CNTN5: variants seen among roughly 807,000 people sequenced by gnomAD.
CNTN5 encodes contactin 5.
CNTN5 carries 77 observed loss-of-function variants against 129.1 expected under a neutral mutation model. The observed-to-expected ratio is 0.60, with a 90% CI of 0.50 to 0.72. The LOEUF (loss-of-function observed/expected upper bound fraction) is 0.72, where lower values mean the gene tolerates loss of function less well. Among genes scored for constraint, CNTN5 ranks in the 30% least tolerant of loss-of-function variants. The pLI, the probability that CNTN5 is intolerant of heterozygous loss-of-function variation, is 0.00. For synonymous variants in CNTN5, 509 were observed against 465.6 expected (o/e 1.09, Z -1.20); for missense variants, 1,478 against 1,328.8 (o/e 1.11, Z -1.75).
At chr11:100,201,619 C>G (rs184966911) in intron 15 of CNTN5, among the ~76,000 whole-genome samples, 118 of 151,230 alleles carry the variant, frequency 7.8e-4, no homozygotes, top group Middle Eastern at 3.4e-3. Flanking sequence ...TCTCTACCTC[C>G]CTCCTGTTTT....
chr11:99,203,971 A>G (rs1859348223), intron 1 of CNTN5, among the ~76,000 whole-genome samples: 1 of 152,206 alleles, frequency 6.6e-6, no homozygotes, highest in African/African-American at 2.4e-5. Flanking sequence ...TAAACTTATA[A>G]AATTTCTCAT....
intron 9 of CNTN5, among the ~76,000 whole-genome samples, chr11:100,002,784 A>G (rs1175550468): frequency 6.6e-6 from 1 of 152,142 alleles, no homozygotes; most frequent in Admixed American, 6.6e-5. Flanking sequence ...GATCAGAGGC[A>G]GAAGTGGAAT....
intron 2 of CNTN5, among the ~76,000 whole-genome samples, chr11:99,466,266 A>C (rs1944939109): frequency 6.6e-6 from 1 of 152,124 alleles, no homozygotes; most frequent in Admixed American, 6.5e-5. Context: ...CTCATGACCC[A>C]ATCAATCACC....
At chr11:99,643,564 T>A (rs1476558751) in intron 3 of CNTN5, among the ~76,000 whole-genome samples, 1 of 152,128 alleles carries the variant, frequency 6.6e-6, no homozygotes, top group East Asian at 1.9e-4. Flanking sequence ...TTTAGAACAA[T>A]AAATTGCAAT....
intron 8 of CNTN5, among the ~76,000 whole-genome samples, chr11:99,987,730 G>A (rs941754537): frequency 2.0e-5 from 3 of 151,988 alleles, no homozygotes; most frequent in Non-Finnish European, 4.4e-5. Context: ...AATGTTTCCT[G>A]GGGAGCAGAA....
intron 13 of CNTN5, among the ~76,000 whole-genome samples, chr11:100,171,274 A>G (rs894412918): frequency 7.2e-5 from 11 of 152,056 alleles, no homozygotes; most frequent in African/African-American, 2.7e-4. Flanking sequence ...AAATATTTAT[A>G]ATCTTGCCCC....
chr11:99,144,956 G>A (rs1226332168), intron 1 of CNTN5, among the ~76,000 whole-genome samples: 2 of 151,778 alleles, frequency 1.3e-5, no homozygotes, highest in East Asian at 1.9e-4. Flanking sequence ...TTCCTTCAGA[G>A]GTGTCATGTT....
At chr11:100,037,452 G>A (rs563296758) in intron 9 of CNTN5, among the ~76,000 whole-genome samples, 28 of 152,074 alleles carry the variant, frequency 1.8e-4, no homozygotes, top group Middle Eastern at 3.4e-3. Flanking sequence ...GTCTCTGCCC[G>A]GGTTTGGTAT....
At chr11:99,625,239 T>C (rs1029023620) in intron 3 of CNTN5, among the ~76,000 whole-genome samples, 9 of 152,200 alleles carry the variant, frequency 5.9e-5, no homozygotes, top group Non-Finnish European at 1.2e-4. Context: ...TTCTACTGAA[T>C]GATGAGAATT....
intron 3 of CNTN5, among the ~76,000 whole-genome samples, chr11:99,731,960 T>C (rs188669051): frequency 6.6e-6 from 1 of 152,326 alleles, no homozygotes; most frequent in East Asian, 1.9e-4. Flanking sequence ...TTGGTGTCCA[T>C]ATTTAGATAT....
intron 2 of CNTN5, among the ~76,000 whole-genome samples, chr11:99,544,265 T>C (rs1160586939): frequency 1.3e-5 from 2 of 152,090 alleles, no homozygotes; most frequent in African/African-American, 4.8e-5. Flanking sequence ...ACCCTCAAGA[T>C]CCAATCACCT....
At chr11:99,631,616 A>G (rs1951353406) in intron 3 of CNTN5, among the ~76,000 whole-genome samples, 1 of 151,902 alleles carries the variant, frequency 6.6e-6, no homozygotes, top group Non-Finnish European at 1.5e-5. Flanking sequence ...GTAAGTTTTT[A>G]GTAATATCAT....
intron 1 of CNTN5, among the ~76,000 whole-genome samples, chr11:99,199,967 ACATCATCAT>A (rs147514290): frequency 6.6e-6 from 1 of 151,416 alleles, no homozygotes; most frequent in Admixed American, 6.6e-5. Flanking sequence ...ATATCCATCA[ACATCATCAT>A]CATCATCATC....
chr11:99,553,580 T>A (rs1247539516), intron 2 of CNTN5, among the ~76,000 whole-genome samples: 3 of 152,140 alleles, frequency 2.0e-5, no homozygotes, highest in African/African-American at 7.2e-5. Flanking sequence ...TCCTTCAGTA[T>A]TATGTATTTT....
rs1164557490 is a variant in CNTN5 at position 99,900,772 on chromosome 11, T to C, written c.578-15282T>C. On this transcript the variant is annotated intron_variant, in intron 6 of 24. Coordinates refer to ENST00000524871, the MANE Select transcript of CNTN5 (RefSeq NM_014361.4). The stretch of plus-strand genomic sequence containing the variant: ...AGGTTATTTACATTCAAGATTGATA[T>C]TGATACATGATGTTTTGTTCCTGAC... Among the ~76,000 whole-genome samples, 6 of 152,330 alleles carry C rather than the reference T, an allele frequency of 3.9e-5. No individual in the cohort carries two copies. The East Asian group carries it at 1.2e-3, about 29-fold the overall frequency.
At chr11:99,355,442 C>G (rs150828689) in intron 2 of CNTN5, among the ~76,000 whole-genome samples, 1 of 152,258 alleles carries the variant, frequency 6.6e-6, no homozygotes, top group Non-Finnish European at 1.5e-5. Flanking sequence ...ACAAGGATAA[C>G]TTTAATCCAT....
chr11:99,224,224 A>AG (rs1418175746), intron 1 of CNTN5, among the ~76,000 whole-genome samples: 1 of 152,162 alleles, frequency 6.6e-6, no homozygotes, highest in Non-Finnish European at 1.5e-5. Context: ...AAGTCAAAAA[A>AG]CAGAACTATA....
intron 13 of CNTN5, among the ~76,000 whole-genome samples, chr11:100,115,136 A>G (rs79324268): frequency 3.9e-4 from 58 of 150,168 alleles, no homozygotes; most frequent in African/African-American, 6.6e-4. Flanking sequence ...AAAAAAAAAA[A>G]AAAGAAAGAA....
chr11:99,503,759 A>C, intron 2 of CNTN5, among the ~76,000 whole-genome samples: 1 of 152,186 alleles, frequency 6.6e-6, no homozygotes, highest in Non-Finnish European at 1.5e-5. Context: ...TATTACATAT[A>C]ATGGAATTTT....
Sources: gnomAD v4.1 joint callset for allele counts (sites outside exome capture counted in the v4.1 genomes callset) on GRCh38, gnomAD v4.1.1 for gene constraint, MANE v1.5 for transcripts, NCBI Gene and HGNC (gene_info 2026-07-23, HGNC 2026-07-21) for gene names.